Variants in NFYA observed in about 807,000 individuals in gnomAD.
NFYA encodes nuclear transcription factor Y subunit alpha.
A neutral mutation model predicts 52.8 loss-of-function variants in NFYA; 28 were observed. The ratio of observed to expected loss-of-function variants is 0.53; its 90% CI spans 0.39 to 0.73. The LOEUF (loss-of-function observed/expected upper bound fraction) is 0.73, where lower values mean the gene tolerates loss of function less well. Ranked by LOEUF, NFYA falls within the 30% of genes least tolerant of loss-of-function variation. The probability of loss-of-function intolerance (pLI) is 0.00; values close to 1 mark genes in which losing one functional copy is unlikely to be tolerated. For synonymous variants in NFYA, 150 were observed against 150.7 expected, an observed-to-expected ratio of 1.00 and a Z score of 0.03; for missense variants, 234 against 427.0, an observed-to-expected ratio of 0.55 and a Z score of 3.98.
chr6:41,073,419 CCACGAATGGCCCTACACTAGGGGA>C (rs1416453495), intron 1 of NFYA, among the ~76,000 whole-genome samples: 5 of 151,918 alleles, frequency 3.3e-5, no homozygotes, highest in Non-Finnish European at 5.9e-5. Context: ...AGGCCTGGGG[CCACGAATGGCCCTACACTAGGGGA>C]CACATGCGCG....
chr6:41,093,654 A>G (rs985197250), intron 8 of NFYA, among the ~76,000 whole-genome samples: 18 of 152,228 alleles, frequency 1.2e-4, no homozygotes, highest in Middle Eastern at 3.4e-3. Context: ...TGTTTTTAGT[A>G]GAGACGGGGT....
chr6:41,082,363 G>T (rs1174703851), intron 3 of NFYA, among the ~76,000 whole-genome samples: 1 of 152,114 alleles, frequency 6.6e-6, no homozygotes, highest in Non-Finnish European at 1.5e-5. Flanking sequence ...ACAGTATTTT[G>T]GATTGTCATT....
chr6:41,092,190 T>A (rs1464347543), intron 7 of NFYA, among the ~76,000 whole-genome samples: 4 of 152,130 alleles, frequency 2.6e-5, no homozygotes, highest in Admixed American at 2.0e-4. Context: ...AAATTAAGAA[T>A]GAGTAACAGA....
At chr6:41,076,671 G>GTT (rs1232531813) in intron 1 of NFYA, among the ~76,000 whole-genome samples, 1 of 152,184 alleles carries the variant, frequency 6.6e-6, no homozygotes, top group African/African-American at 2.4e-5. Context: ...CTTATTATTT[G>GTT]TTTCTCTCTC....
In NFYA at chr6:41,098,065, A is replaced by G. The variant is rs1002640506; in HGVS notation, c.*655A>G. ...TAGAATGATAAAAGACTCAAGCACT[A>G]AAAATATACATTGCCGAATCTCTTT... On this transcript the variant is annotated 3_prime_UTR_variant, in exon 10 of 10. Coordinates refer to ENST00000341376, the MANE Select transcript of NFYA (RefSeq NM_002505.5). The G allele has an allele frequency of 5.2e-5, 8 of 152,718 alleles. No homozygotes were observed. Among genetic ancestry groups the G allele is most frequent in the Non-Finnish European group, 1.2e-4 (8 of 68,088 alleles). The allele number at this position is 152,718 out of a possible 1,614,324, so 9.5% of individuals were successfully genotyped here. A position where few individuals can be genotyped will look rare whatever the true frequency, so the allele number is the denominator to read the frequency against.
chr6:41,097,671 C>T lies in NFYA; in HGVS notation c.*261C>T. ...TGACATTTCATGGATTCGGATGATG[C>T]AAGGAGACACATGCCACCCCAGCAG... On this transcript the variant is annotated 3_prime_UTR_variant, in exon 10 of 10. Coordinates refer to ENST00000341376, the MANE Select transcript of NFYA (RefSeq NM_002505.5). 2.5e-6 allele frequency: 1 copy of T among 396,996 alleles called. No homozygotes were observed. Among genetic ancestry groups the T allele is most frequent in the South Asian group, 3.1e-5 (1 of 32,444 alleles). The allele number at this position is 396,996 out of a possible 1,614,324, so 24.6% of individuals were successfully genotyped here.
At chr6:41,082,807 T>G (rs1395708246) in intron 3 of NFYA, among the ~76,000 whole-genome samples, 1 of 152,202 alleles carries the variant, frequency 6.6e-6, no homozygotes, top group Non-Finnish European at 1.5e-5. Flanking sequence ...GGGAAAGAGA[T>G]AGCATGAGAG....
Position 41,095,932 on chromosome 6 carries a change from A to G in NFYA, c.991-1425A>G, listed in dbSNP as rs575346639. On this transcript the variant is annotated intron_variant, in intron 9 of 9. Transcript: ENST00000341376. Reference sequence around the variant, plus strand: ...TTAGTATCCAGTTCTGAACCAAGCAATCAGTGTTTCTTGAATTAATAGATT... The same window carrying G: ...TTAGTATCCAGTTCTGAACCAAGCAGTCAGTGTTTCTTGAATTAATAGATT... Among the ~76,000 whole-genome samples the G allele has an allele frequency of 7.2e-5, 11 of 152,344 alleles. No homozygotes were observed. In the South Asian group the frequency reaches 1.9e-3, roughly 26 times the overall value.
Position 41,101,135 on chromosome 6 carries a change from G to C in NFYA, c.*3725G>C, listed in dbSNP as rs1764491287. On this transcript the variant is annotated 3_prime_UTR_variant, in exon 10 of 10. Transcript: ENST00000341376. ...GGAAGCCTCGGGGATGGGAACCCGA[G>C]CTCGCCACGGCCCAGGGCGTCCTCC... The C allele has an allele frequency of 6.6e-6, 1 of 152,242 alleles. No individual in the cohort carries two copies. The highest frequency in any genetic ancestry group is 1.5e-5 in the Non-Finnish European group (1 of 68,044). 9.4% of individuals were successfully genotyped at this position (152,242 alleles called of 1,614,324 possible). A position where few individuals can be genotyped will look rare whatever the true frequency, so the allele number is the denominator to read the frequency against.
rs559266899 is a variant in NFYA, at chr6:41,098,940, A to G, written c.*1530A>G. 85 of 152,334 alleles carry G rather than the reference A, an allele frequency of 5.6e-4. No individual in the cohort carries two copies. The highest frequency in any genetic ancestry group is 2.4e-4 in the Non-Finnish European group (16 of 68,034). 9.4% of individuals were successfully genotyped at this position (152,334 alleles called of 1,614,324 possible). A position where few individuals can be genotyped will look rare whatever the true frequency, so the allele number is the denominator to read the frequency against. ...CTTCTCTGGAAACAAGGAAAACCCAATAATTCCGAGGAACATTGGGGGTTA... is the reference window on the plus strand; with the variant it reads ...CTTCTCTGGAAACAAGGAAAACCCAGTAATTCCGAGGAACATTGGGGGTTA... On this transcript the variant is annotated 3_prime_UTR_variant, in exon 10 of 10. Transcript: ENST00000341376.
intron 4 of NFYA, among the ~76,000 whole-genome samples, chr6:41,087,452 C>T (rs1764078690): frequency 6.6e-6 from 1 of 151,920 alleles, no homozygotes; most frequent in Non-Finnish European, 1.5e-5. Flanking sequence ...CAAGGTGGTC[C>T]CAAGTTGAAA....
At chr6:41,076,804 A>T (rs1763743885) in intron 1 of NFYA, among the ~76,000 whole-genome samples, 1 of 152,252 alleles carries the variant, frequency 6.6e-6, no homozygotes, top group South Asian at 2.1e-4. Context: ...ATTGTATTGC[A>T]GTCTTGCTAA....
rs1402873418 is a variant in NFYA, at chr6:41,100,864, G to A, written c.*3454G>A. ...CGGGGAAGTAGGCCCCGCTAAGAAT[G>A]TGGGAAGGTGGTGGGGCGGCGACTG... On this transcript the variant is annotated 3_prime_UTR_variant, in exon 10 of 10. Coordinates refer to ENST00000341376, the MANE Select transcript of NFYA (RefSeq NM_002505.5). Among the ~76,000 whole-genome samples the A allele has an allele frequency of 2.6e-5, 4 of 152,280 alleles. No homozygotes were observed. The highest frequency in any genetic ancestry group is 5.9e-5 in the Non-Finnish European group (4 of 68,048).
At position 41,100,935 on chromosome 6, in the gene NFYA, G is replaced by A. The variant is rs150676942; in HGVS notation, c.*3525G>A. On this transcript the variant is annotated 3_prime_UTR_variant, in exon 10 of 10. Coordinates refer to ENST00000341376, the MANE Select transcript of NFYA (RefSeq NM_002505.5). ...TGTCCCAAGGAAGCCTGCGCGGATT[G>A]ATCGGCGGCAGGCCTCCAATAGAGC... 3.3e-5 allele frequency: 5 copies of A among 152,382 alleles called. No individual in the cohort carries two copies. The highest frequency in any genetic ancestry group is 1.2e-4 in the African/African-American group (5 of 41,596). The allele number at this position is 152,382 out of a possible 1,614,324, so 9.4% of individuals were successfully genotyped here.
At chr6:41,088,296 G>A (rs1322301849) in intron 4 of NFYA, among the ~76,000 whole-genome samples, 2 of 151,538 alleles carry the variant, frequency 1.3e-5, no homozygotes, top group Non-Finnish European at 1.5e-5. Context: ...GATGGCGGAC[G>A]CCTGTAGTCC....
chr6:41,094,338 A>G (rs1764289007), intron 8 of NFYA, 58 bp from the exon 9 acceptor site: 4 of 1,442,672 alleles, frequency 2.8e-6, no homozygotes, highest in South Asian at 1.2e-5. Flanking sequence ...TGTGCACTAG[A>G]TAACTGTGCT....
Position 41,091,662 on chromosome 6 carries a change from G to T in NFYA, c.682G>T (p.Gly228Cys). 1 of 1,614,178 alleles carries T rather than the reference G, an allele frequency of 6.2e-7. No homozygotes were observed. The highest frequency in any genetic ancestry group is 8.5e-7 in the Non-Finnish European group (1 of 1,180,022). ...TGTCACTGTGACACTACCAGTGGCAGGCAATGTGGTCAATTCAGGAGGGAT... is the reference window on the plus strand; with the variant it reads ...TGTCACTGTGACACTACCAGTGGCATGCAATGTGGTCAATTCAGGAGGGAT... Reference protein sequence around the residue: ...GTVTVTLPVAGNVVNSGGMVM... With the variant: ...GTVTVTLPVACNVVNSGGMVM... The change falls in exon 7 of 10, where the codon GGC becomes TGC. Residue 228 changes from glycine (G) to cysteine (C), a missense_variant. By Grantham distance (159) the Gly-to-Cys change is radical (BLOSUM62 -3). Transcript: ENST00000341376.
Position 41,088,504 on chromosome 6 carries a change from A to G in NFYA, c.310-1075A>G, listed in dbSNP as rs199593464. On this transcript the variant is annotated intron_variant, in intron 4 of 9. Transcript: ENST00000341376. ...GACACAGCTGTGTTGGATTCTTTCA[A>G]GGTCCTCTCAAGGCCCTTATCAAGG... Among the ~76,000 whole-genome samples, 125 of 152,138 alleles carry G rather than the reference A, an allele frequency of 8.2e-4. 3 individuals are homozygous for G. In the South Asian group the frequency reaches 0.013, roughly 16 times the overall value.
At chr6:41,095,861 TTAAG>T (rs1764339271) in intron 9 of NFYA, among the ~76,000 whole-genome samples, 1 of 152,374 alleles carries the variant, frequency 6.6e-6, no homozygotes, top group South Asian at 2.1e-4. Flanking sequence ...TTAATTCTAT[TTAAG>T]TAAGTTGTAT....
Sources: gnomAD v4.1 joint callset for allele counts (sites outside exome capture counted in the v4.1 genomes callset) on GRCh38, gnomAD v4.1.1 for gene constraint, MANE v1.5 for transcripts, NCBI Gene and HGNC (gene_info 2026-07-23, HGNC 2026-07-21) for gene names.